PRKG2: variants seen among roughly 807,000 people sequenced by gnomAD.
PRKG2 encodes the protein cGMP-dependent protein kinase 2.
In PRKG2, 33 loss-of-function variants were observed where a neutral mutation model predicts 97.2. That is an observed-to-expected ratio of 0.34 (90% confidence interval 0.26 to 0.45). PRKG2 has a LOEUF of 0.45. Ranked by LOEUF, PRKG2 falls within the 20% of genes least tolerant of loss-of-function variation. PRKG2 has a pLI of 1.00. For synonymous variants in PRKG2, 330 were observed against 321.8 expected, an observed-to-expected ratio of 1.03 and a Z score of -0.27; for missense variants, 638 against 900.0, an observed-to-expected ratio of 0.71 and a Z score of 3.73.
At chr4:81,136,774 A>C (rs1746747246) in intron 13 of PRKG2, among the ~76,000 whole-genome samples, 1 of 152,204 alleles carries the variant, frequency 6.6e-6, no homozygotes, top group African/African-American at 2.4e-5. Context: ...TTTTCTCACT[A>C]AACAATGAAA....
chr4:81,132,972 T>G (rs11723204), intron 14 of PRKG2, among the ~76,000 whole-genome samples: 14,997 of 152,146 alleles, frequency 0.099, 1,349 homozygotes, highest in East Asian at 0.38. Flanking sequence ...GTAGCTTTTT[T>G]CCTCATACAT....
chr4:81,183,680 G>A (rs572811776), intron 2 of PRKG2, among the ~76,000 whole-genome samples: 1 of 152,120 alleles, frequency 6.6e-6, no homozygotes, highest in Non-Finnish European at 1.5e-5. Flanking sequence ...TGAAGCCAGG[G>A]AGCCAAGCAG....
chr4:81,123,481 T>C (rs191765550), intron 14 of PRKG2, among the ~76,000 whole-genome samples: 32 of 152,332 alleles, frequency 2.1e-4, no homozygotes, highest in East Asian at 1.5e-3. Flanking sequence ...CTCGGCTCAC[T>C]GTAAGCTCTG....
chr4:81,173,957 A>G (rs1365532576), intron 3 of PRKG2: 1 of 152,058 alleles, frequency 6.6e-6, no homozygotes, highest in African/African-American at 2.4e-5. Flanking sequence ...TTTTTTCCCT[A>G]AAACTCAAAA....
chr4:81,180,365 G>A (rs72881305), intron 2 of PRKG2, among the ~76,000 whole-genome samples: 36,225 of 151,664 alleles, frequency 0.24, 8,387 homozygotes, highest in African/African-American at 0.59. Flanking sequence ...TAAAATTTAA[G>A]AGGAAATACC....
At chr4:81,182,004 A>G (rs1578482995) in intron 2 of PRKG2, among the ~76,000 whole-genome samples, 2 of 151,998 alleles carry the variant, frequency 1.3e-5, no homozygotes, top group East Asian at 1.9e-4. Context: ...AAAAGTCTAA[A>G]CCCAGATGAC....
chr4:81,119,337 G>A (rs575508707), intron 14 of PRKG2, among the ~76,000 whole-genome samples: 2 of 152,102 alleles, frequency 1.3e-5, no homozygotes, highest in Admixed American at 6.5e-5. Context: ...TCTGGATGTC[G>A]CATTGTTCCA....
chr4:81,165,146 CAAG>C (rs1236270340), intron 6 of PRKG2: 3 of 152,058 alleles, frequency 2.0e-5, no homozygotes, highest in Non-Finnish European at 4.4e-5. Flanking sequence ...TATCAGAACA[CAAG>C]AAGAGGCTTA....
chr4:81,208,392 T>C (rs1753792797), intron 1 of PRKG2, among the ~76,000 whole-genome samples: 1 of 152,150 alleles, frequency 6.6e-6, no homozygotes, highest in African/African-American at 2.4e-5. Flanking sequence ...AGAAGTCTAG[T>C]AAACTGGATG....
At chr4:81,217,031 G>GTGTATATA (rs1553933203), upstream of PRKG2, among the ~76,000 whole-genome samples, 7 of 115,284 alleles carry the variant, frequency 6.1e-5, no homozygotes, top group African/African-American at 1.5e-4. Context: ...TATATATTTT[G>GTGTATATA]TATATATATA....
intron 9 of PRKG2, among the ~76,000 whole-genome samples, chr4:81,145,345 A>T (rs1258242950): frequency 2.0e-5 from 3 of 152,180 alleles, no homozygotes; most frequent in South Asian, 4.1e-4. Context: ...GGGGTTACAG[A>T]TTCTTTTAAC....
chr4:81,152,936 T>A (rs540953728), intron 7 of PRKG2, among the ~76,000 whole-genome samples: 1 of 152,172 alleles, frequency 6.6e-6, no homozygotes, highest in African/African-American at 2.4e-5. Context: ...CCTGACTCCC[T>A]GATGGTAAAC....
At chr4:81,103,223 G>A (rs544275096) in intron 17 of PRKG2, among the ~76,000 whole-genome samples, 16 of 152,148 alleles carry the variant, frequency 1.1e-4, no homozygotes, top group African/African-American at 2.2e-4. Flanking sequence ...GGTGTGTTAC[G>A]TATCTATACA....
In PRKG2 at chr4:81,089,787, T is replaced by G; in HGVS notation, c.2210A>C (p.Asp737Ala). The G allele has an allele frequency of 6.2e-7, 1 of 1,609,754 alleles. No individual in the cohort carries two copies. Among genetic ancestry groups the G allele is most frequent in the Non-Finnish European group, 8.5e-7 (1 of 1,176,058 alleles). Residue 737 changes from aspartate (D) to alanine (A), a missense_variant, in exon 19 of 19, where the codon GAT (aspartate) becomes GCT (alanine). Coordinates refer to ENST00000264399, the MANE Select transcript of PRKG2 (RefSeq NM_006259.3). ...AGGATATTTGTCAAAGTAGCTGTGA[T>G]CTATGGGTCCCTTGAGCTAATATAG... The part of the protein sequence containing the change: ...PLQRELKGPI[D>A]HSYFDKYPPE...
At position 81,118,436 on chromosome 4, in the gene PRKG2, AC is replaced by A. The variant is rs1406815799; in HGVS notation, c.1777-7826del. Among the ~76,000 whole-genome samples the A allele has an allele frequency of 4.6e-5, 7 of 152,208 alleles. No homozygotes were observed. The South Asian group carries it at 8.3e-4, about 18-fold the overall frequency. ...CCAAACTGCCTGTCAAAGTGGCTGA[AC>A]CATTTGCATTCCTATCAGCGTTTGG... On this transcript the variant is annotated intron_variant, in intron 14 of 18. Coordinates refer to ENST00000264399, the MANE Select transcript of PRKG2 (RefSeq NM_006259.3).
At position 81,087,565 on chromosome 4, in the gene PRKG2, G is replaced by A. The variant is rs1236582658; in HGVS notation, c.*2143C>T. ...TCTATGCAGCAATGGTTATTTCACA[G>A]ATACCGGGCAAAAGACTCTCTACAT... On this transcript the variant is annotated 3_prime_UTR_variant, in exon 19 of 19. Transcript: ENST00000264399. 6.6e-6 allele frequency: 1 copy of A among 152,066 alleles called. No homozygotes were observed. The highest frequency in any genetic ancestry group is 1.5e-5 in the Non-Finnish European group (1 of 67,970). 9.4% of individuals were successfully genotyped at this position (152,066 alleles called of 1,614,324 possible). A position where few individuals can be genotyped will look rare whatever the true frequency, so the allele number is the denominator to read the frequency against.
intron 7 of PRKG2, 38 bp from the exon 8 acceptor site, chr4:81,152,092 A>C (rs111241311): frequency 1.0e-5 from 15 of 1,475,232 alleles, no homozygotes; most frequent in Non-Finnish European, 1.1e-5. Context: ...AAAGAGACTG[A>C]AGAAAAAGGA....
At chr4:81,105,747 G>T in intron 16 of PRKG2, 66 bp downstream of exon 16, 1 of 1,570,952 alleles carries the variant, frequency 6.4e-7, no homozygotes, top group Non-Finnish European at 8.6e-7. Flanking sequence ...TTTAAAATGT[G>T]TAGAAACAGA....
chr4:81,094,239 G>T (rs1741891492), intron 17 of PRKG2, among the ~76,000 whole-genome samples: 1 of 151,932 alleles, frequency 6.6e-6, no homozygotes, highest in Non-Finnish European at 1.5e-5. Context: ...TTACATACAA[G>T]ATACCAGAGC....
Sources: gnomAD v4.1 joint callset for allele counts (sites outside exome capture counted in the v4.1 genomes callset) on GRCh38, gnomAD v4.1.1 for gene constraint, MANE v1.5 for transcripts, NCBI Gene and HGNC (gene_info 2026-07-23, HGNC 2026-07-21) for gene names.